PCDHGA9: variants seen among roughly 807,000 people sequenced by gnomAD.
PCDHGA9 encodes the protein protocadherin gamma-A9.
In PCDHGA9, 37 loss-of-function variants were observed where a neutral mutation model predicts 62.5. The ratio of observed to expected loss-of-function variants is 0.59; its 90% confidence interval spans 0.46 to 0.78. The LOEUF (loss-of-function observed/expected upper bound fraction) is 0.78, where lower values mean the gene tolerates loss of function less well. Among genes scored for constraint, PCDHGA9 ranks in the 30% least tolerant of loss-of-function variants. The pLI is 0.00. For synonymous variants in PCDHGA9, 459 were observed against 484.6 expected (o/e 0.95, Z 0.69); for missense variants, 1,138 against 1,166.2 (o/e 0.98, Z 0.35).
At chr5:141,462,039 T>A (rs569871892) in intron 1 of PCDHGA9, among the ~76,000 whole-genome samples, 1 of 152,276 alleles carries the variant, frequency 6.6e-6, no homozygotes, top group Non-Finnish European at 1.5e-5. Flanking sequence ...GTCAGGCGGG[T>A]CTTGAACTCC....
intron 1 of PCDHGA9, chr5:141,408,445 C>T (rs759314379): frequency 2.5e-6 from 4 of 1,613,846 alleles, no homozygotes; most frequent in Admixed American, 1.7e-5. Flanking sequence ...ACGCGGAGAG[C>T]GGGGACTTAC....
rs2094474207 is a variant in PCDHGA9 at position 141,403,989 on chromosome 5, A to C, written c.1037A>C (p.Glu346Ala). Residue 346 changes from glutamate to alanine, a missense_variant, in exon 1 of 4, where the codon GAA (glutamate) becomes GCA (alanine). Physicochemically the swap from Glu to Ala is moderately radical, Grantham distance 107. Coordinates refer to ENST00000573521, the MANE Select transcript of PCDHGA9 (RefSeq NM_018921.3). ...SVEDVNDNRP[E>A]VTITSLFSPV... ...GAAGATGTAAATGACAATAGACCTG[A>C]AGTGACCATTACATCTCTGTTTAGC... The C allele has an allele frequency of 1.2e-6, 2 of 1,613,868 alleles. No homozygotes were observed. Among genetic ancestry groups the C allele is most frequent in the Middle Eastern group, 1.6e-4 (1 of 6,062 alleles).
Position 141,431,872 on chromosome 5 carries a change from A to G in PCDHGA9, c.2424+26496A>G, listed in dbSNP as rs2097425104. 5 of 1,614,222 alleles carry G rather than the reference A, an allele frequency of 3.1e-6. No individual in the cohort carries two copies. The highest frequency in any genetic ancestry group is 4.2e-6 in the Non-Finnish European group (5 of 1,180,002). ...GGACATTAATTGCCCTTTTAAATGT[A>G]AATGACCAAGATTCTGAGGAAAACG... On this transcript the variant is annotated intron_variant, in intron 1 of 3. Transcript: ENST00000573521. The surrounding 1 kb of genome is among the most constrained non-coding windows in gnomAD (Gnocchi z 4.8).
intron 2 of PCDHGA9, among the ~76,000 whole-genome samples, chr5:141,501,279 A>T (rs1180397181): frequency 3.0e-5 from 4 of 135,444 alleles, no homozygotes. Context: ...AGTCTATGGG[A>T]TATTCCCTTA....
chr5:141,491,529 G>C lies in PCDHGA9; in HGVS notation c.2425-3278G>C. 1 of 1,614,040 alleles carries C rather than the reference G, an allele frequency of 6.2e-7. No individual in the cohort carries two copies. The highest frequency in any genetic ancestry group is 1.1e-5 in the South Asian group (1 of 91,080). On this transcript the variant is annotated intron_variant, in intron 1 of 3. Coordinates refer to ENST00000573521, the MANE Select transcript of PCDHGA9 (RefSeq NM_018921.3). The surrounding 1 kb of genome is among the most constrained non-coding windows in gnomAD (Gnocchi z 6.9). ...GCACGCTCAAGTACATGGAGGTGACGCTGCGGCCCACAGACTCGCAGAGCC... is the reference window on the plus strand; with the variant it reads ...GCACGCTCAAGTACATGGAGGTGACCCTGCGGCCCACAGACTCGCAGAGCC...
chr5:141,479,939 A>G (rs763454741), intron 1 of PCDHGA9, among the ~76,000 whole-genome samples: 2 of 152,004 alleles, frequency 1.3e-5, no homozygotes, highest in Non-Finnish European at 2.9e-5. Flanking sequence ...ATTGCTATCA[A>G]CTCTTGGATT....
intron 1 of PCDHGA9, among the ~76,000 whole-genome samples, chr5:141,483,361 A>C (rs752805137): frequency 4.6e-5 from 7 of 152,102 alleles, no homozygotes; most frequent in Non-Finnish European, 7.4e-5. Flanking sequence ...TTTGAAAGCT[A>C]TTGCAATATT....
chr5:141,458,593 C>T (rs1352799952), intron 1 of PCDHGA9, among the ~76,000 whole-genome samples: 4 of 151,402 alleles, frequency 2.6e-5, no homozygotes, highest in Non-Finnish European at 5.9e-5. Flanking sequence ...GTTTTGGAGA[C>T]GAGTCTCACT....
intron 1 of PCDHGA9, chr5:141,409,471 A>T: frequency 6.2e-7 from 1 of 1,613,978 alleles, no homozygotes; most frequent in Non-Finnish European, 8.5e-7. Context: ...TCACCATCGT[A>T]GCCACTGACA....
At chr5:141,429,770 A>T (rs2097244120) in intron 1 of PCDHGA9, among the ~76,000 whole-genome samples, 1 of 152,122 alleles carries the variant, frequency 6.6e-6, no homozygotes, top group Admixed American at 6.6e-5. Context: ...CTATATTTTG[A>T]TGGGCTTCCA....
At position 141,431,510 on chromosome 5, in the gene PCDHGA9, G is replaced by T; in HGVS notation, c.2424+26134G>T. On this transcript the variant is annotated intron_variant, in intron 1 of 3. Transcript: ENST00000573521. The surrounding 1 kb of genome is among the most constrained non-coding windows in gnomAD (Gnocchi z 4.8). ...TGCTCAGCCCGAGTACCGCGCGAGC[G>T]TTCCGGAGAATCTGGCCTTGGGCAC... 1 of 1,614,022 alleles carries T rather than the reference G, an allele frequency of 6.2e-7. No individual in the cohort carries two copies. Among genetic ancestry groups the T allele is most frequent in the Non-Finnish European group, 8.5e-7 (1 of 1,180,026 alleles).
rs766151180 is a variant in PCDHGA9 at position 141,432,210 on chromosome 5, A to G, written c.2424+26834A>G. On this transcript the variant is annotated intron_variant, in intron 1 of 3. Transcript: ENST00000573521. This position sits in a 1 kb window ranked among gnomAD's most constrained non-coding sequence, Gnocchi z 6.0. Reference sequence around the variant, plus strand: ...GCCCACGACCCCGACTGTGAAGAGAACGCCCAGATCACTTATTCCCTGGCT... The same window carrying G: ...GCCCACGACCCCGACTGTGAAGAGAGCGCCCAGATCACTTATTCCCTGGCT... 1 of 1,614,138 alleles carries G rather than the reference A, an allele frequency of 6.2e-7. No individual in the cohort carries two copies. Among genetic ancestry groups the G allele is most frequent in the Non-Finnish European group, 8.5e-7 (1 of 1,180,018 alleles).
At position 141,421,580 on chromosome 5, in the gene PCDHGA9, A is replaced by G. The variant is rs375319424; in HGVS notation, c.2424+16204A>G. ...CTCGTGGAAGACACCTTGAAGATTT[A>G]CGGAGTGGAGGTGGAAATAATAGAT... On this transcript the variant is annotated intron_variant, in intron 1 of 3. Transcript: ENST00000573521. The G allele has an allele frequency of 1.1e-5, 17 of 1,613,782 alleles. No individual in the cohort carries two copies. In the East Asian group the frequency reaches 2.7e-4, roughly 25 times the overall value.
At chr5:141,437,338 C>T (rs1328789308) in intron 1 of PCDHGA9, among the ~76,000 whole-genome samples, 1 of 152,196 alleles carries the variant, frequency 6.6e-6, no homozygotes, top group Non-Finnish European at 1.5e-5. Flanking sequence ...TGTAGCTTCA[C>T]TGTTTTATAG....
At chr5:141,433,607 G>A (rs1209706866) in intron 1 of PCDHGA9, among the ~76,000 whole-genome samples, 2 of 152,078 alleles carry the variant, frequency 1.3e-5, no homozygotes, top group East Asian at 1.9e-4. Context: ...AGGCCGAGGC[G>A]GGTGGATCAC....
In PCDHGA9 at chr5:141,489,684, T is replaced by C. The variant is rs2099690710; in HGVS notation, c.2425-5123T>C. 1.2e-6 allele frequency: 2 copies of C among 1,614,062 alleles called. No individual in the cohort carries two copies. The highest frequency in any genetic ancestry group is 8.5e-7 in the Non-Finnish European group (1 of 1,180,034). On this transcript the variant is annotated intron_variant, in intron 1 of 3. Coordinates refer to ENST00000573521, the MANE Select transcript of PCDHGA9 (RefSeq NM_018921.3). This position sits in a 1 kb window ranked among gnomAD's most constrained non-coding sequence, Gnocchi z 4.5. ...TGCGCATCTCAGAATCAGCAGCATCTGGGGCACGATTCCCACTGGACAGTG... is the reference window on the plus strand; with the variant it reads ...TGCGCATCTCAGAATCAGCAGCATCCGGGGCACGATTCCCACTGGACAGTG...
chr5:141,428,111 C>G (rs760446304), intron 1 of PCDHGA9: 2 of 1,607,622 alleles, frequency 1.2e-6, no homozygotes, highest in Non-Finnish European at 1.7e-6. Context: ...TGCTGCAGGC[C>G]ATCGAGCCCG....
intron 1 of PCDHGA9, chr5:141,416,811 A>C (rs1355425793): frequency 2.6e-5 from 4 of 152,188 alleles, no homozygotes; most frequent in Non-Finnish European, 5.9e-5. Context: ...AAAGTCAAAA[A>C]GCATTCCGAA....
intron 1 of PCDHGA9, among the ~76,000 whole-genome samples, chr5:141,458,236 C>T (rs6874378): frequency 0.18 from 27,546 of 152,106 alleles, 2,658 homozygotes; most frequent in Admixed American, 0.28. Flanking sequence ...AGTCCATGCA[C>T]CAAAATGATA....
Sources: gnomAD v4.1 joint callset for allele counts (sites outside exome capture counted in the v4.1 genomes callset) on GRCh38, gnomAD v4.1.1 for gene constraint, Gnocchi (gnomAD v3.1) non-coding constraint, MANE v1.5 for transcripts, NCBI Gene and HGNC (gene_info 2026-07-23, HGNC 2026-07-21) for gene names.